ARFGEF3: variants seen among roughly 807,000 people sequenced by gnomAD.
ARFGEF3 encodes the protein ARFGEF family member 3, also known as brefeldin A-inhibited guanine nucleotide-exchange protein 3.
ARFGEF3 carries 96 observed loss-of-function variants against 221.7 expected under a neutral mutation model. That is an observed-to-expected ratio of 0.43 (90% CI 0.37 to 0.51). The LOEUF (loss-of-function observed/expected upper bound fraction) is 0.51, where lower values mean the gene tolerates loss of function less well. Ranked by LOEUF, ARFGEF3 falls within the 20% of genes least tolerant of loss-of-function variation. The pLI, the probability that ARFGEF3 is intolerant of heterozygous loss-of-function variation, is 0.00. For synonymous variants in ARFGEF3, 1,145 were observed against 1,126.8 expected, an observed-to-expected ratio of 1.02 and a Z score of -0.32; for missense variants, 2,410 against 2,789.9, an observed-to-expected ratio of 0.86 and a Z score of 3.07.
chr6:138,293,322 A>G (rs998399656), intron 19 of ARFGEF3, among the ~76,000 whole-genome samples: 4 of 152,200 alleles, frequency 2.6e-5, no homozygotes, highest in Non-Finnish European at 5.9e-5. Flanking sequence ...GTGACCTTCA[A>G]ATCCTCCCCT....
At chr6:138,186,589 C>T (rs923876939) in intron 2 of ARFGEF3, among the ~76,000 whole-genome samples, 6 of 152,164 alleles carry the variant, frequency 3.9e-5, no homozygotes, top group East Asian at 1.9e-4. Flanking sequence ...GAAAGGCTCA[C>T]GCCAGTCCTG....
chr6:138,170,134 C>T (rs1215084305), intron 1 of ARFGEF3, among the ~76,000 whole-genome samples: 1 of 152,160 alleles, frequency 6.6e-6, no homozygotes, highest in Non-Finnish European at 1.5e-5. Context: ...GTTGGATTAA[C>T]AAGATTTGGA....
chr6:138,307,164 T>C (rs1470450531), intron 22 of ARFGEF3, 89 bp from the exon 23 acceptor site: 1 of 1,354,878 alleles, frequency 7.4e-7, no homozygotes, highest in Admixed American at 1.9e-5. Flanking sequence ...AACTCCAAAA[T>C]AGGGGACAGA....
chr6:138,299,198 T>TTAAAAAA (rs1779581671), intron 22 of ARFGEF3, among the ~76,000 whole-genome samples: 1 of 39,424 alleles, frequency 2.5e-5, no homozygotes, highest in African/African-American at 6.4e-5. Flanking sequence ...CGAGACTCTG[T>TTAAAAAA]AAAAAAAAAA....
chr6:138,246,490 GTTTTGC>G (rs1778489201), intron 8 of ARFGEF3, among the ~76,000 whole-genome samples: 1 of 152,168 alleles, frequency 6.6e-6, no homozygotes, highest in Non-Finnish European at 1.5e-5. Context: ...TTTGTTATTT[GTTTTGC>G]TTTTGGTTTC....
intron 6 of ARFGEF3, among the ~76,000 whole-genome samples, chr6:138,240,398 C>T (rs1162980775): frequency 6.6e-6 from 1 of 152,062 alleles, no homozygotes; most frequent in Non-Finnish European, 1.5e-5. Flanking sequence ...TATATGAGTT[C>T]ATTTAATCTT....
At chr6:138,192,864 G>A (rs1313921475) in intron 2 of ARFGEF3, among the ~76,000 whole-genome samples, 1 of 152,166 alleles carries the variant, frequency 6.6e-6, no homozygotes, top group African/African-American at 2.4e-5. Context: ...CACACAGGTT[G>A]CCATTGTCAG....
chr6:138,303,860 CAAAAAAAAAAAAAA>C (rs140349507), intron 22 of ARFGEF3, among the ~76,000 whole-genome samples: 4 of 20,610 alleles, frequency 1.9e-4, no homozygotes, highest in African/African-American at 6.0e-4. Context: ...GACTCCGTCT[CAAAAAAAAAAAAAA>C]AAAAAAAAAA....
At chr6:138,228,196 A>C (rs906062997) in intron 4 of ARFGEF3, among the ~76,000 whole-genome samples, 76 of 49,232 alleles carry the variant, frequency 1.5e-3, no homozygotes, top group African/African-American at 5.1e-3. Flanking sequence ...TTTTTTTTTG[A>C]GATGGAGTCT....
chr6:138,334,735 G>A lies in ARFGEF3; in HGVS notation c.5889G>A (p.Glu1963=), dbSNP rs1780289696. The change falls in exon 33 of 34, where the codon GAG becomes GAA. Residue 1963 remains glutamate, a synonymous_variant. Coordinates refer to ENST00000251691, the MANE Select transcript of ARFGEF3 (RefSeq NM_020340.5). The surrounding 1 kb of genome is among the most constrained non-coding windows in gnomAD (Gnocchi z 5.1). ...GGFSGKETPS[E]DDRSQSREHM... is the part of the protein sequence containing the mutation. ...TCTCTGGGAAAGAAACCCCTTCCGA[G>A]GATGACAGAAGCCAGTCCCGGGAGC... 3 of 1,609,616 alleles carry A rather than the reference G, an allele frequency of 1.9e-6. No individual in the cohort carries two copies. In the East Asian group the frequency reaches 6.7e-5, roughly 36 times the overall value.
intron 8 of ARFGEF3, among the ~76,000 whole-genome samples, chr6:138,248,857 G>A (rs1274344606): frequency 1.4e-4 from 21 of 152,066 alleles, no homozygotes; most frequent in Non-Finnish European, 5.9e-5. Context: ...AAGTCCCCTA[G>A]CCAGCAAGAT....
rs559025172 is a variant in ARFGEF3, at chr6:138,311,362, C to T, written c.4097-45C>T. 3.5e-5 allele frequency: 45 copies of T among 1,290,292 alleles called. No homozygotes were observed. The East Asian group carries it at 4.0e-4, about 11-fold the overall frequency. 79.9% of individuals were successfully genotyped at this position (1,290,292 alleles called of 1,614,324 possible). A position where few individuals can be genotyped will look rare whatever the true frequency, so the allele number is the denominator to read the frequency against. On this transcript the variant is annotated intron_variant, in intron 24 of 33. Coordinates refer to ENST00000251691, the MANE Select transcript of ARFGEF3 (RefSeq NM_020340.5). ...ACAGGTCTCCTGTTACAGGGGGGCA[C>T]GCAAGGGTAACACTGTTGGTCTCTG...
At chr6:138,188,541 T>G (rs138769508) in intron 2 of ARFGEF3, among the ~76,000 whole-genome samples, 15 of 152,350 alleles carry the variant, frequency 9.8e-5, no homozygotes, top group African/African-American at 3.6e-4. Context: ...GGTCATGCAT[T>G]TATATGGTAG....
rs1486764690 is a variant in ARFGEF3 at position 138,338,200 on chromosome 6, C to A, written c.*1714C>A. 2 of 152,194 alleles carry A rather than the reference C, an allele frequency of 1.3e-5. No homozygotes were observed. The highest frequency in any genetic ancestry group is 2.9e-5 in the Non-Finnish European group (2 of 68,034). The allele number at this position is 152,194 out of a possible 1,614,324, so 9.4% of individuals were successfully genotyped here. On this transcript the variant is annotated 3_prime_UTR_variant, in exon 34 of 34. Transcript: ENST00000251691. ...AGAAACAGGTAATCAGCTATTTGAT[C>A]TTAAAAGGCAATGAATTGTTGGGAT... is the stretch of plus-strand genomic sequence containing the variant.
chr6:138,292,975 G>A (rs1431351855), intron 19 of ARFGEF3, among the ~76,000 whole-genome samples: 1 of 152,160 alleles, frequency 6.6e-6, no homozygotes, highest in Admixed American at 6.5e-5. Context: ...TGGTCAATAG[G>A]ACCCAGAAAC....
intron 12 of ARFGEF3, among the ~76,000 whole-genome samples, chr6:138,274,281 C>G (rs1028760917): frequency 6.6e-6 from 1 of 152,090 alleles, no homozygotes; most frequent in African/African-American, 2.4e-5. Context: ...CATCTATGAT[C>G]CAGGGTAGTT....
intron 4 of ARFGEF3, among the ~76,000 whole-genome samples, chr6:138,222,863 A>G (rs894141311): frequency 1.3e-5 from 2 of 151,814 alleles, no homozygotes; most frequent in Non-Finnish European, 2.9e-5. Flanking sequence ...TTTATCCCTC[A>G]TCCTCCTCCC....
intron 1 of ARFGEF3, among the ~76,000 whole-genome samples, chr6:138,167,842 A>C (rs991967003): frequency 6.6e-6 from 1 of 152,194 alleles, no homozygotes; most frequent in African/African-American, 2.4e-5. Context: ...ACTGAATAGC[A>C]TCCCATTAGG....
chr6:138,166,753 T>C (rs1292560331), intron 1 of ARFGEF3, among the ~76,000 whole-genome samples: 2 of 152,130 alleles, frequency 1.3e-5, no homozygotes, highest in Admixed American at 1.3e-4. Flanking sequence ...ATTTTATATC[T>C]ATCAGGGGCC....
Sources: allele counts gnomAD v4.1 joint callset (sites outside exome capture counted in the v4.1 genomes callset), GRCh38; gene constraint gnomAD v4.1.1; non-coding constraint Gnocchi (gnomAD v3.1); transcripts MANE v1.5; gene names NCBI Gene and HGNC (gene_info 2026-07-23, HGNC 2026-07-21).